The following WDR70 variants were observed in gnomAD, a reference collection of about 807,000 sequenced individuals.
WDR70 encodes the protein WD repeat-containing protein 70.
A neutral mutation model predicts 88.6 loss-of-function variants in WDR70; 53 were observed. That is an observed-to-expected ratio of 0.60 (90% CI 0.48 to 0.75). WDR70 has a LOEUF of 0.75. Ranked by LOEUF, WDR70 falls within the 30% of genes least tolerant of loss-of-function variation. The probability of loss-of-function intolerance (pLI) is 0.00; values close to 1 mark genes in which losing one functional copy is unlikely to be tolerated. For missense variants in WDR70, 610 were observed against 823.2 expected, an observed-to-expected ratio of 0.74 and a Z score of 3.17; for synonymous variants, 280 against 270.0, an observed-to-expected ratio of 1.04 and a Z score of -0.36.
chr5:37,574,928 C>T (rs1743011594), intron 9 of WDR70, among the ~76,000 whole-genome samples: 1 of 152,106 alleles, frequency 6.6e-6, no homozygotes, highest in African/African-American at 2.4e-5. Flanking sequence ...CACAATGACC[C>T]ATGTTGTCCA....
chr5:37,469,795 T>C (rs1739268817), intron 7 of WDR70, among the ~76,000 whole-genome samples: 1 of 152,184 alleles, frequency 6.6e-6, no homozygotes, highest in Admixed American at 6.5e-5. Context: ...TTTGACCTTT[T>C]AACAAATCTC....
chr5:37,485,662 T>C (rs1466823267), intron 8 of WDR70, among the ~76,000 whole-genome samples: 2 of 151,980 alleles, frequency 1.3e-5, no homozygotes, highest in Admixed American at 1.3e-4. Flanking sequence ...ATGAACAATA[T>C]ATATTATTTA....
rs992251393 is a variant in WDR70, at chr5:37,407,660, G to C, written c.492+11090G>C. On this transcript the variant is annotated intron_variant, in intron 5 of 17. Transcript: ENST00000265107. ...TAAGTGAGAGAGATGTTATGCACAC[G>C]TAGGCTATCTGTGCTTTTTTTTTTC... Among the ~76,000 whole-genome samples, 16 of 151,974 alleles carry C rather than the reference G, an allele frequency of 1.1e-4. 1 individual carries two copies. The highest frequency in any genetic ancestry group is 1.0e-3 in the Admixed American group (16 of 15,240).
At chr5:37,389,557 G>A (rs554964653) in intron 3 of WDR70, among the ~76,000 whole-genome samples, 3 of 152,008 alleles carry the variant, frequency 2.0e-5, no homozygotes, top group Admixed American at 1.3e-4. Context: ...GACTACAGGC[G>A]GCTGCCACCA....
intron 10 of WDR70, among the ~76,000 whole-genome samples, chr5:37,651,520 G>C (rs1745408912): frequency 6.6e-6 from 1 of 152,172 alleles, no homozygotes; most frequent in African/African-American, 2.4e-5. Flanking sequence ...TTTGGTTCTA[G>C]ATCCTTGAGG....
At chr5:37,447,807 G>A (rs1387253940) in intron 7 of WDR70, among the ~76,000 whole-genome samples, 3 of 152,180 alleles carry the variant, frequency 2.0e-5, no homozygotes, top group Admixed American at 6.5e-5. Context: ...GGAGGAGGGA[G>A]GGAGAGCATT....
chr5:37,394,772 G>C (rs1004045146), intron 4 of WDR70, among the ~76,000 whole-genome samples: 3 of 152,144 alleles, frequency 2.0e-5, no homozygotes, highest in African/African-American at 7.2e-5. Flanking sequence ...ACCTTGTTGT[G>C]AACCAAACTT....
At chr5:37,497,947 G>A (rs1397362872) in intron 8 of WDR70, among the ~76,000 whole-genome samples, 2 of 152,020 alleles carry the variant, frequency 1.3e-5, no homozygotes, top group Non-Finnish European at 2.9e-5. Flanking sequence ...TCGGCCTCCC[G>A]AGTAGCTGGG....
chr5:37,684,602 C>G (rs1746527415), intron 10 of WDR70, among the ~76,000 whole-genome samples: 1 of 152,240 alleles, frequency 6.6e-6, no homozygotes, highest in Admixed American at 6.5e-5. Context: ...ACTGCATGCT[C>G]TAACTCTGGG....
At chr5:37,419,415 A>G (rs1749871560) in intron 5 of WDR70, among the ~76,000 whole-genome samples, 1 of 150,712 alleles carries the variant, frequency 6.6e-6, no homozygotes, top group Non-Finnish European at 1.5e-5. Flanking sequence ...CATCTTGGCC[A>G]GGCTGGTCTT....
intron 9 of WDR70, among the ~76,000 whole-genome samples, chr5:37,518,537 T>A (rs937270235): frequency 6.6e-6 from 1 of 152,212 alleles, no homozygotes; most frequent in African/African-American, 2.4e-5. Context: ...CTGGATCTCA[T>A]TCTTTTTTCA....
intron 6 of WDR70, among the ~76,000 whole-genome samples, chr5:37,441,009 C>G (rs1286840575): frequency 6.6e-6 from 1 of 152,160 alleles, no homozygotes; most frequent in African/African-American, 2.4e-5. Flanking sequence ...CCATATGGTG[C>G]TTATACTCTT....
Position 37,394,640 on chromosome 5 carries a change from A to T in WDR70, c.297-1735A>T, listed in dbSNP as rs139755907. On this transcript the variant is annotated intron_variant, in intron 4 of 17. Transcript: ENST00000265107. ...AGTGGTGGTGTGCCTGAAAGTTTAGAAGGAGTGTGCCCTTAGACTTCTTTG... is the reference window on the plus strand; with the variant it reads ...AGTGGTGGTGTGCCTGAAAGTTTAGTAGGAGTGTGCCCTTAGACTTCTTTG... 6.8e-4 allele frequency among the ~76,000 whole-genome samples: 104 copies of T among 152,320 alleles called. 1 individual carries two copies. The East Asian group carries it at 0.019, about 28-fold the overall frequency.
intron 6 of WDR70, 97 bp downstream of exon 6, chr5:37,438,078 A>C (rs1258449935): frequency 1.1e-5 from 11 of 1,000,530 alleles, no homozygotes; most frequent in Non-Finnish European, 1.3e-5. Flanking sequence ...CTAATTATAC[A>C]ATCAACTGAT....
chr5:37,568,140 G>A (rs755320893), intron 9 of WDR70, among the ~76,000 whole-genome samples: 24 of 152,062 alleles, frequency 1.6e-4, no homozygotes, highest in Admixed American at 7.2e-4. Flanking sequence ...TCCTCATTTA[G>A]CCCTACCCAC....
intron 9 of WDR70, among the ~76,000 whole-genome samples, chr5:37,538,297 T>C (rs1425811103): frequency 6.6e-6 from 1 of 152,198 alleles, no homozygotes; most frequent in Non-Finnish European, 1.5e-5. Flanking sequence ...ATGGTGTAGA[T>C]AGCCTCTGGA....
intron 9 of WDR70, among the ~76,000 whole-genome samples, chr5:37,564,316 G>A (rs1218410965): frequency 6.6e-6 from 1 of 152,242 alleles, no homozygotes; most frequent in South Asian, 2.1e-4. Flanking sequence ...TCGTGGTTAG[G>A]AGCTGGAGAC....
At chr5:37,562,239 C>T (rs1213249799) in intron 9 of WDR70, among the ~76,000 whole-genome samples, 2 of 152,246 alleles carry the variant, frequency 1.3e-5, no homozygotes, top group African/African-American at 4.8e-5. Flanking sequence ...TGCCTGTAAT[C>T]CCAGCTACTT....
chr5:37,411,945 CT>C (rs918351626), intron 5 of WDR70, among the ~76,000 whole-genome samples: 2 of 151,430 alleles, frequency 1.3e-5, no homozygotes, highest in Non-Finnish European at 2.9e-5. Context: ...TTTTGATAAA[CT>C]TTTTTTTACT....
Sources: gnomAD v4.1 joint callset for allele counts (sites outside exome capture counted in the v4.1 genomes callset) on GRCh38, gnomAD v4.1.1 for gene constraint, MANE v1.5 for transcripts, NCBI Gene and HGNC (gene_info 2026-07-23, HGNC 2026-07-21) for gene names.